The following EYS variants were observed in gnomAD, a reference collection of about 807,000 sequenced individuals.
EYS encodes protein eyes shut homolog.
Under a neutral mutation model 282.1 loss-of-function variants are expected in EYS, and 250 were observed. That is an observed-to-expected ratio of 0.89 (90% CI 0.80 to 0.98). The LOEUF (loss-of-function observed/expected upper bound fraction) is 0.98, where lower values mean the gene tolerates loss of function less well. Among genes scored for constraint, EYS ranks in the 50% least tolerant of loss-of-function variants. The pLI is 0.00. For missense variants in EYS, 4,016 were observed against 3,709.0 expected (o/e 1.08, Z -2.15); for synonymous variants, 1,355 against 1,282.9 (o/e 1.06, Z -1.20).
At chr6:65,512,221 G>A (rs1038938456) in intron 2 of EYS, among the ~76,000 whole-genome samples, 27 of 151,868 alleles carry the variant, frequency 1.8e-4, no homozygotes, top group African/African-American at 5.6e-4. Context: ...GGCCGGGCAC[G>A]GTGGCTCATG....
At chr6:63,899,430 C>T (rs1364479325) in intron 35 of EYS, among the ~76,000 whole-genome samples, 1 of 152,084 alleles carries the variant, frequency 6.6e-6, no homozygotes, top group East Asian at 1.9e-4. Context: ...GGAAATGATG[C>T]CAAACATTTG....
chr6:64,089,099 G>A (rs1333992934), intron 31 of EYS, among the ~76,000 whole-genome samples: 1 of 151,738 alleles, frequency 6.6e-6, no homozygotes, highest in Admixed American at 6.6e-5. Context: ...CCCCAGAAAG[G>A]ACATCGTACA....
intron 31 of EYS, among the ~76,000 whole-genome samples, chr6:64,135,902 G>A (rs1350593418): frequency 1.3e-5 from 2 of 151,896 alleles, no homozygotes; most frequent in Admixed American, 6.6e-5. Context: ...GATGGCTATG[G>A]GCATTTCTTA....
At chr6:64,595,281 A>C (rs1002949187) in intron 24 of EYS, among the ~76,000 whole-genome samples, 10 of 152,252 alleles carry the variant, frequency 6.6e-5, no homozygotes, top group African/African-American at 2.2e-4. Context: ...GGCATTAAAA[A>C]ATACTTTAAC....
intron 35 of EYS, among the ~76,000 whole-genome samples, chr6:63,880,802 T>C (rs1773113048): frequency 1.3e-5 from 2 of 152,368 alleles, no homozygotes; most frequent in South Asian, 4.1e-4. Context: ...TTAAAAGATT[T>C]AGTTTGCAAC....
At chr6:64,957,389 C>T (rs1189394808) in intron 14 of EYS, among the ~76,000 whole-genome samples, 1 of 151,674 alleles carries the variant, frequency 6.6e-6, no homozygotes, top group East Asian at 1.9e-4. Context: ...CAATTGAATT[C>T]ATGGACACAG....
chr6:65,677,707 C>T lies in EYS; in HGVS notation c.-448+29428G>A, dbSNP rs1768674831. On this transcript the variant is annotated intron_variant, in intron 1 of 42. Transcript: ENST00000503581. The stretch of plus-strand genomic sequence containing the variant: ...TTTTTCAGAAATAGACAAAATAATC[C>T]TAAAATTCATAAAGAACCACAAAGG... 2.0e-5 allele frequency among the ~76,000 whole-genome samples: 3 copies of T among 151,728 alleles called. No homozygotes were observed. In the South Asian group the frequency reaches 6.2e-4, roughly 31 times the overall value.
chr6:63,737,476 T>G (rs1452542634), intron 41 of EYS, among the ~76,000 whole-genome samples: 15 of 152,202 alleles, frequency 9.9e-5, no homozygotes, highest in Non-Finnish European at 1.6e-4. Context: ...GATGTGCTGT[T>G]GGATTTGGTT....
intron 33 of EYS, among the ~76,000 whole-genome samples, chr6:64,018,034 A>G (rs957958618): frequency 6.6e-6 from 1 of 152,180 alleles, no homozygotes; most frequent in African/African-American, 2.4e-5. Flanking sequence ...TTTATTTATA[A>G]CCATGTCTTA....
At chr6:64,299,457 G>A (rs1769154001) in intron 30 of EYS, among the ~76,000 whole-genome samples, 1 of 152,234 alleles carries the variant, frequency 6.6e-6, no homozygotes, top group Admixed American at 6.5e-5. Context: ...CTGTGGGTCA[G>A]ACCCCAGCAG....
chr6:65,495,002 T>C lies in EYS; in HGVS notation c.409A>G (p.Asn137Asp), dbSNP rs200529868. ...GTCCCAACACTCAGCCACTTAGAAT[T>C]AACAGTGTGCATTCCTTTTAGTCTG... ...GCRLKGMHTV[N>D]SKWLSVGTHY... The change falls in exon 4 of 43, where the codon AAT (asparagine) becomes GAT (aspartate). Residue 137 changes from asparagine (N) to aspartate (D), a missense_variant. Asn to Asp is a conservative substitution (Grantham distance 23, BLOSUM62 1). Transcript: ENST00000503581. The C allele has an allele frequency of 6.8e-6, 11 of 1,614,170 alleles. No individual in the cohort carries two copies. Among genetic ancestry groups the C allele is most frequent in the Admixed American group, 5.0e-5 (3 of 59,998 alleles).
At chr6:63,949,949 G>T (rs1765518994) in intron 35 of EYS, among the ~76,000 whole-genome samples, 1 of 152,114 alleles carries the variant, frequency 6.6e-6, no homozygotes, top group Non-Finnish European at 1.5e-5. Context: ...CAAGGCAGGT[G>T]GATCACGAGG....
At chr6:64,469,560 T>C (rs1261007531) in intron 26 of EYS, among the ~76,000 whole-genome samples, 1 of 152,166 alleles carries the variant, frequency 6.6e-6, no homozygotes, top group Non-Finnish European at 1.5e-5. Flanking sequence ...CCTTCTGTTA[T>C]GTCCAGACAG....
At chr6:64,376,856 C>T (rs1772577585) in intron 29 of EYS, among the ~76,000 whole-genome samples, 1 of 152,136 alleles carries the variant, frequency 6.6e-6, no homozygotes, top group Non-Finnish European at 1.5e-5. Flanking sequence ...TATTTTCTAT[C>T]TCAGGATAGG....
intron 35 of EYS, among the ~76,000 whole-genome samples, chr6:63,927,460 A>G (rs1012191990): frequency 6.6e-6 from 1 of 152,218 alleles, no homozygotes; most frequent in African/African-American, 2.4e-5. Context: ...AGTCATGATC[A>G]TAAAACAATT....
intron 11 of EYS, among the ~76,000 whole-genome samples, chr6:65,300,378 C>A (rs1171722429): frequency 6.6e-6 from 1 of 152,078 alleles, no homozygotes; most frequent in Non-Finnish European, 1.5e-5. Flanking sequence ...TAGGTTAGAC[C>A]TCTTAGAACT....
At chr6:64,187,878 A>G (rs1283650692) in intron 31 of EYS, among the ~76,000 whole-genome samples, 5 of 151,974 alleles carry the variant, frequency 3.3e-5, no homozygotes, top group African/African-American at 1.2e-4. Context: ...AGATTTCTTT[A>G]CAAATTATAA....
Position 64,560,041 on chromosome 6 carries a change from G to T in EYS, c.5644+30182C>A, listed in dbSNP as rs562199984. 5.3e-5 allele frequency among the ~76,000 whole-genome samples: 8 copies of T among 152,098 alleles called. No individual in the cohort carries two copies. In the East Asian group the frequency reaches 1.2e-3, roughly 22 times the overall value. On this transcript the variant is annotated intron_variant, in intron 26 of 42. Transcript: ENST00000503581. ...CTCATAATCTATCCTTTTACTTCAAGAAAAATTATGAAAAGTTAGCATAAA... is the reference window on the plus strand; with the variant it reads ...CTCATAATCTATCCTTTTACTTCAATAAAAATTATGAAAAGTTAGCATAAA...
intron 11 of EYS, among the ~76,000 whole-genome samples, chr6:65,317,358 T>G (rs2150302394): frequency 6.6e-6 from 1 of 152,372 alleles, no homozygotes; most frequent in East Asian, 1.9e-4. Flanking sequence ...AGGCATGTTT[T>G]ATTTTTACTA....
Sources: gnomAD v4.1 joint callset for allele counts (sites outside exome capture counted in the v4.1 genomes callset) on GRCh38, gnomAD v4.1.1 for gene constraint, MANE v1.5 for transcripts, NCBI Gene and HGNC (gene_info 2026-07-23, HGNC 2026-07-21) for gene names.